The following QTGAL variants were observed in gnomAD, a reference collection of about 807,000 sequenced individuals.
QTGAL encodes queuosine-tRNA galactosyltransferase.
chr17:82,987,716 C>T, the QTGAL span, among the ~76,000 whole-genome samples: 2 of 152,250 alleles, frequency 1.3e-5, no homozygotes, highest in East Asian at 3.9e-4. Context: ...ATGTCTCCAG[C>T]TTTGTTCTTT....
chr17:82,948,405 C>T, the QTGAL span: 1 of 152,294 alleles, frequency 6.6e-6, no homozygotes, highest in East Asian at 1.9e-4. Flanking sequence ...CAGGGATGCT[C>T]ACGCAGGAGG....
the QTGAL span, among the ~76,000 whole-genome samples, chr17:83,012,921 C>T: frequency 1.3e-5 from 2 of 152,016 alleles, no homozygotes; most frequent in African/African-American, 2.4e-5. Flanking sequence ...CCCCGGGCCC[C>T]CCGTCCCACC....
the QTGAL span, among the ~76,000 whole-genome samples, chr17:82,996,197 C>T: frequency 6.6e-6 from 1 of 152,204 alleles, no homozygotes; most frequent in African/African-American, 2.4e-5. Flanking sequence ...TAATGCAATC[C>T]CTATCAAAAT....
chr17:83,009,485 CA>C, the QTGAL span, among the ~76,000 whole-genome samples: 1 of 152,120 alleles, frequency 6.6e-6, no homozygotes, highest in Non-Finnish European at 1.5e-5. Flanking sequence ...AACTGAGACC[CA>C]CGAGGTGAGT....
the QTGAL span, among the ~76,000 whole-genome samples, chr17:82,989,495 T>TAA: frequency 3.3e-5 from 4 of 122,516 alleles, no homozygotes; most frequent in African/African-American, 6.1e-5. Flanking sequence ...ATTCTGGAAC[T>TAA]AAAAAAAAAA....
chr17:82,967,341 C>G, the QTGAL span, among the ~76,000 whole-genome samples: 1 of 152,168 alleles, frequency 6.6e-6, no homozygotes, highest in Non-Finnish European at 1.5e-5. Context: ...GCAGGTCAGG[C>G]AGAGACACAA....
chr17:82,964,016 G>C, the QTGAL span, among the ~76,000 whole-genome samples: 1 of 63,458 alleles, frequency 1.6e-5, no homozygotes, highest in Non-Finnish European at 3.1e-5. Flanking sequence ...CAGCACTTTG[G>C]AAGGCTGAGG....
chr17:83,050,545 T>G, the QTGAL span, among the ~76,000 whole-genome samples: 5 of 151,806 alleles, frequency 3.3e-5, no homozygotes, highest in Non-Finnish European at 2.9e-5. Context: ...TTAGTAAGAC[T>G]GGAATAAAAA....
chr17:82,987,688 T>C, the QTGAL span, among the ~76,000 whole-genome samples: 1 of 152,232 alleles, frequency 6.6e-6, no homozygotes, highest in Non-Finnish European at 1.5e-5. Context: ...GTAGTATAGT[T>C]TGAAGTCAGG....
the QTGAL span, chr17:83,048,648 C>A: frequency 6.2e-7 from 1 of 1,608,496 alleles, no homozygotes; most frequent in Non-Finnish European, 8.5e-7. Context: ...CTGAGTCACC[C>A]GACAGGAAGT....
At chr17:82,967,860 C>T in the QTGAL span, among the ~76,000 whole-genome samples, 1 of 151,794 alleles carries the variant, frequency 6.6e-6, no homozygotes, top group East Asian at 1.9e-4. Flanking sequence ...CTTTGAGCTC[C>T]GGAAGTCAAG....
chr17:82,994,130 AG>A, the QTGAL span, among the ~76,000 whole-genome samples: 111 of 152,290 alleles, frequency 7.3e-4, no homozygotes, highest in African/African-American at 2.2e-3. Context: ...CAAAATTAGT[AG>A]AAGAAAATAA....
chr17:83,006,361 T>C, the QTGAL span: 1 of 984,730 alleles, frequency 1.0e-6, no homozygotes, highest in African/African-American at 1.7e-5. The surrounding 1 kb of genome is among the most constrained non-coding windows in gnomAD (Gnocchi z 5.8). Flanking sequence ...CTGTTTGCAT[T>C]TGTTGTTGTT....
At chr17:83,018,088 G>A in the QTGAL span, among the ~76,000 whole-genome samples, 2 of 151,148 alleles carry the variant, frequency 1.3e-5, no homozygotes, top group African/African-American at 4.9e-5. Context: ...CGTGAACACC[G>A]TGCGCCTGTA....
the QTGAL span, chr17:82,981,732 G>T: frequency 6.6e-6 from 1 of 152,226 alleles, no homozygotes; most frequent in Non-Finnish European, 1.5e-5. Context: ...CCCTCCACAT[G>T]TACTAACTTT....
At chr17:82,944,804 C>T in the QTGAL span, 15 of 152,306 alleles carry the variant, frequency 9.8e-5, no homozygotes, top group Middle Eastern at 3.4e-3. Flanking sequence ...AATCTAGTCA[C>T]GCTATTTTGA....
At chr17:83,050,395 T>G in the QTGAL span, among the ~76,000 whole-genome samples, 153 of 148,886 alleles carry the variant, frequency 1.0e-3, no homozygotes, top group Admixed American at 2.1e-3. Flanking sequence ...AAAAAAAAAA[T>G]AAAACGAGTT....
chr17:83,025,782 G>A, the QTGAL span, among the ~76,000 whole-genome samples: 1 of 152,244 alleles, frequency 6.6e-6, no homozygotes, highest in Non-Finnish European at 1.5e-5. Flanking sequence ...CTGAGCAGGG[G>A]TTTCTCCGAC....
the QTGAL span, among the ~76,000 whole-genome samples, chr17:83,050,013 TTAGTCAAGTTCTTTACAAATGAAACC>T: frequency 6.6e-6 from 1 of 152,206 alleles, no homozygotes; most frequent in Non-Finnish European, 1.5e-5. Context: ...AAAACACAAT[TTAGTCAAGTTCTTTACAAATGAAACC>T]TCACTCTGTC....
Sources: gnomAD v4.1 joint callset for allele counts (sites outside exome capture counted in the v4.1 genomes callset) on GRCh38, gnomAD v4.1.1 for gene constraint, Gnocchi (gnomAD v3.1) non-coding constraint, MANE v1.5 for transcripts, NCBI Gene and HGNC (gene_info 2026-07-23, HGNC 2026-07-21) for gene names.